COL4A1: variants seen among roughly 807,000 people sequenced by gnomAD.
COL4A1 encodes the protein collagen type IV alpha 1 chain.
COL4A1 carries 40 observed loss-of-function variants against 216.6 expected under a neutral mutation model. That is an observed-to-expected ratio of 0.18 (90% CI 0.14 to 0.24). The LOEUF is 0.24. Ranked by LOEUF, COL4A1 falls within the 10% of genes least tolerant of loss-of-function variation. The probability of loss-of-function intolerance (pLI) is 1.00; values close to 1 mark genes in which losing one functional copy is unlikely to be tolerated. For synonymous variants in COL4A1, 839 were observed against 810.7 expected (o/e 1.03, Z -0.59); for missense variants, 1,628 against 2,196.8 (o/e 0.74, Z 5.18).
At chr13:110,269,690 C>T (rs1883174444) in intron 1 of COL4A1, among the ~76,000 whole-genome samples, 1 of 152,076 alleles carries the variant, frequency 6.6e-6, no homozygotes, top group Non-Finnish European at 1.5e-5. Flanking sequence ...ACGGCAGGCC[C>T]TTGCCGGCAG....
rs776034579 is a variant in COL4A1, at chr13:110,174,609, C to T, written c.3325+14G>A. 4.3e-6 allele frequency: 7 copies of T among 1,614,120 alleles called. No individual in the cohort carries two copies. The highest frequency in any genetic ancestry group is 3.3e-4 in the Middle Eastern group (2 of 6,062). ...TTAGATTCCCCAAGTCCAAGAGAAG[C>T]CCCCCTCACCTACCTGGATAGCCAA... On this transcript the variant is annotated intron_variant, in intron 38 of 51. Coordinates refer to ENST00000375820, the MANE Select transcript of COL4A1 (RefSeq NM_001845.6).
intron 22 of COL4A1, among the ~76,000 whole-genome samples, 164 bp downstream of exon 22, chr13:110,194,858 CG>C (rs1878810796): frequency 6.6e-6 from 1 of 152,094 alleles, no homozygotes; most frequent in Admixed American, 6.5e-5. Context: ...AACTAAGTTC[CG>C]GAAGATGCTT....
intron 2 of COL4A1, among the ~76,000 whole-genome samples, chr13:110,229,023 T>C (rs1366791716): frequency 6.6e-6 from 1 of 152,196 alleles, no homozygotes; most frequent in Admixed American, 6.5e-5. Flanking sequence ...AACTTTGGTT[T>C]TCCCATCAGC....
intron 1 of COL4A1, among the ~76,000 whole-genome samples, chr13:110,251,096 T>C (rs1882052370): frequency 6.6e-6 from 1 of 152,236 alleles, no homozygotes; most frequent in South Asian, 2.1e-4. Context: ...CAGCAAATTT[T>C]ACCCAGACAG....
In COL4A1 at chr13:110,207,320, G is replaced by A. The variant is rs1312568427; in HGVS notation, c.780+83C>T. The A allele has an allele frequency of 1.0e-5, 12 of 1,203,832 alleles. No individual in the cohort carries two copies. Among genetic ancestry groups the A allele is most frequent in the East Asian group, 2.3e-5 (1 of 42,900 alleles). 74.6% of individuals were successfully genotyped at this position (1,203,832 alleles called of 1,614,324 possible). ...AGGATTGAATGTAGCTGGAAAAACT[G>A]AGTTTTGACCCATTTTCTCTTTATC... is the stretch of plus-strand genomic sequence containing the variant. On this transcript the variant is annotated intron_variant, in intron 13 of 51. Transcript: ENST00000375820. This position sits in a 1 kb window ranked among gnomAD's most constrained non-coding sequence, Gnocchi z 4.4.
At chr13:110,266,462 G>A (rs1221716573) in intron 1 of COL4A1, among the ~76,000 whole-genome samples, 2 of 152,186 alleles carry the variant, frequency 1.3e-5, no homozygotes, top group Admixed American at 6.5e-5. Flanking sequence ...ATGTGGCCAC[G>A]GAGCTGGATG....
At chr13:110,154,782 A>AGTCATATGGAGAAGCTGGTCATATC (rs1566334514) in intron 50 of COL4A1, among the ~76,000 whole-genome samples, 2 of 152,142 alleles carry the variant, frequency 1.3e-5, no homozygotes, top group Non-Finnish European at 1.5e-5. Context: ...CTGGTCATAT[A>AGTCATATGGAGAAGCTGGTCATATC]GAGAAGCTGC....
chr13:110,212,535 T>C, intron 5 of COL4A1, 39 bp downstream of exon 5: 2 of 1,614,144 alleles, frequency 1.2e-6, no homozygotes, highest in Non-Finnish European at 1.7e-6. Context: ...GATGGAAGAA[T>C]ATTTCATAAA....
intron 1 of COL4A1, among the ~76,000 whole-genome samples, chr13:110,244,410 C>T (rs1881696956): frequency 6.6e-6 from 1 of 152,176 alleles, no homozygotes; most frequent in Non-Finnish European, 1.5e-5. Context: ...CCTACACTCT[C>T]ATAACCTCCT....
At chr13:110,240,924 C>T (rs1594081331) in intron 2 of COL4A1, among the ~76,000 whole-genome samples, 1 of 152,198 alleles carries the variant, frequency 6.6e-6, no homozygotes, top group Admixed American at 6.5e-5. Context: ...GGCTAGAGTG[C>T]AATGGTGTGT....
rs1438002065 is a variant in COL4A1, at chr13:110,166,116, T to C, written c.4021+116A>G. The C allele has an allele frequency of 1.3e-5, 10 of 776,130 alleles. No individual in the cohort carries two copies. The African/African-American group carries it at 1.4e-4, about 11-fold the overall frequency. The allele number at this position is 776,130 out of a possible 1,614,324, so 48.1% of individuals were successfully genotyped here. The stretch of plus-strand genomic sequence containing the variant: ...AGAATTCCCTATCAATTGTTTTTAA[T>C]GATTTTTGAGTCATTTCACATATGA... On this transcript the variant is annotated intron_variant, in intron 45 of 51. Coordinates refer to ENST00000375820, the MANE Select transcript of COL4A1 (RefSeq NM_001845.6).
intron 45 of COL4A1, 133 bp from the exon 46 acceptor site, chr13:110,165,123 C>T (rs1877276883): frequency 2.2e-6 from 3 of 1,338,688 alleles, no homozygotes; most frequent in Admixed American, 2.5e-5. Context: ...TTATCAAAAC[C>T]CAGGTAATCA....
intron 2 of COL4A1, among the ~76,000 whole-genome samples, chr13:110,229,753 C>A (rs633388): frequency 1.1e-4 from 17 of 152,260 alleles, no homozygotes; most frequent in South Asian, 8.3e-4. Flanking sequence ...GACTTCCAGC[C>A]TCCAGCACGG....
In COL4A1 at chr13:110,165,002, G is replaced by C. The variant is rs749099291; in HGVS notation, c.4022-12C>G. 1 of 1,601,842 alleles carries C rather than the reference G, an allele frequency of 6.2e-7. No homozygotes were observed. The highest frequency in any genetic ancestry group is 8.5e-7 in the Non-Finnish European group (1 of 1,174,988). ...AGGACCCGGGAGACCTGTGGGAATA[G>C]GGAAGGCATTGATCAATTTCACTGT... On this transcript the variant is annotated splice_polypyrimidine_tract_variant and intron_variant, in intron 45 of 51. Coordinates refer to ENST00000375820, the MANE Select transcript of COL4A1 (RefSeq NM_001845.6).
intron 26 of COL4A1, 77 bp downstream of exon 26, chr13:110,186,308 C>T (rs762277291): frequency 5.0e-6 from 8 of 1,586,758 alleles, no homozygotes; most frequent in East Asian, 4.5e-5. Context: ...AACCCCAGGC[C>T]TCTGTGTGCA....
intron 24 of COL4A1, among the ~76,000 whole-genome samples, chr13:110,189,811 T>C (rs3783105): frequency 1.3e-5 from 2 of 151,370 alleles, no homozygotes; most frequent in Non-Finnish European, 3.0e-5. Flanking sequence ...ATCACTTTGC[T>C]TCATTAGGAC....
In COL4A1 at chr13:110,307,149, C is replaced by A; in HGVS notation, c.-122G>T. 1 of 765,938 alleles carries A rather than the reference C, an allele frequency of 1.3e-6. No individual in the cohort carries two copies. Among genetic ancestry groups the A allele is most frequent in the Non-Finnish European group, 1.9e-6 (1 of 534,238 alleles). The allele number at this position is 765,938 out of a possible 1,614,324, so 47.4% of individuals were successfully genotyped here. A position where few individuals can be genotyped will look rare whatever the true frequency, so the allele number is the denominator to read the frequency against. On this transcript the variant is annotated 5_prime_UTR_variant, in exon 1 of 52. Coordinates refer to ENST00000375820, the MANE Select transcript of COL4A1 (RefSeq NM_001845.6). The surrounding 1 kb of genome is among the most constrained non-coding windows in gnomAD (Gnocchi z 5.0). ...CCGTCCCGGGTGCGGCGGCTCCAAGCGGAGACCTGAGCGCGGCGGGCCGAG... is the reference window on the plus strand; with the variant it reads ...CCGTCCCGGGTGCGGCGGCTCCAAGAGGAGACCTGAGCGCGGCGGGCCGAG...
intron 24 of COL4A1, among the ~76,000 whole-genome samples, chr13:110,191,896 T>C (rs1414785324): frequency 1.3e-5 from 2 of 152,182 alleles, no homozygotes; most frequent in Admixed American, 1.3e-4. Flanking sequence ...ACACCATTTG[T>C]TTCCAGAAAT....
chr13:110,178,175 G>T lies in COL4A1; in HGVS notation c.2515C>A (p.Pro839Thr). 6.2e-7 allele frequency: 1 copy of T among 1,614,182 alleles called. No homozygotes were observed. The highest frequency in any genetic ancestry group is 1.1e-5 in the South Asian group (1 of 91,080). Residue 839 changes from proline to threonine, a missense_variant, in exon 32 of 52, where the codon CCG becomes ACG. Physicochemically the swap from Pro to Thr is conservative, Grantham distance 38 (BLOSUM62 -1). Transcript: ENST00000375820. ...GFPGFPGLDMPGPKGDKGAQG... is the reference protein window; with the variant it reads ...GFPGFPGLDMTGPKGDKGAQG... ...GCCCCTTTATCTCCTTTAGGGCCCG[G>T]CATGTCCAGTCCAGGGAATCCGGGG...
Sources: gnomAD v4.1 joint callset for allele counts (sites outside exome capture counted in the v4.1 genomes callset) on GRCh38, gnomAD v4.1.1 for gene constraint, Gnocchi (gnomAD v3.1) non-coding constraint, MANE v1.5 for transcripts, NCBI Gene and HGNC (gene_info 2026-07-23, HGNC 2026-07-21) for gene names.